Variants in RCAN2 observed in about 807,000 individuals in gnomAD.
RCAN2 encodes regulator of calcineurin 2, also known as calcipressin-2.
A neutral mutation model predicts 23.6 loss-of-function variants in RCAN2; 9 were observed. That is an observed-to-expected ratio of 0.38 (90% CI 0.23 to 0.67). The LOEUF is 0.67. Among genes scored for constraint, RCAN2 ranks in the 30% least tolerant of loss-of-function variants. RCAN2 has a pLI of 0.51. For missense variants in RCAN2, 273 were observed against 302.3 expected (o/e 0.90, Z 0.72); for synonymous variants, 109 against 115.7 (o/e 0.94, Z 0.37).
chr6:46,420,212 CA>C lies in RCAN2; in HGVS notation c.225+36539del, dbSNP rs1766839754. Among the ~76,000 whole-genome samples the C allele has an allele frequency of 2.0e-5, 3 of 150,606 alleles. No homozygotes were observed. In the South Asian group the frequency reaches 6.3e-4, roughly 31 times the overall value. Reference sequence around the variant, plus strand: ...AACCTGAAAGACTAGAGCATTTAAACAAATGTTTTAGTTATCATCGTATCAC... The same window carrying C: ...AACCTGAAAGACTAGAGCATTTAAACAATGTTTTAGTTATCATCGTATCAC... On this transcript the variant is annotated intron_variant, in intron 2 of 4. Transcript: ENST00000371374.
chr6:46,386,095 GGGA>G, intron 2 of RCAN2, among the ~76,000 whole-genome samples: 1 of 152,152 alleles, frequency 6.6e-6, no homozygotes, highest in Non-Finnish European at 1.5e-5. Context: ...CCTAGAGAAC[GGGA>G]GAACATTTTT....
rs1022399267 is a variant in RCAN2, at chr6:46,223,049, C to T, written c.*92G>A. On this transcript the variant is annotated 3_prime_UTR_variant, in exon 5 of 5. Transcript: ENST00000371374. The stretch of plus-strand genomic sequence containing the variant: ...GAAGGAATCTCAAACAACCAAACAC[C>T]CAGGAATTTAAAGGCAATTTTTTTT... 1.4e-5 allele frequency: 19 copies of T among 1,386,094 alleles called. No homozygotes were observed. Among genetic ancestry groups the T allele is most frequent in the African/African-American group, 8.6e-5 (6 of 69,372 alleles). The allele number at this position is 1,386,094 out of a possible 1,614,324, so 85.9% of individuals were successfully genotyped here.
chr6:46,362,721 T>C (rs1372522856), intron 2 of RCAN2, among the ~76,000 whole-genome samples: 1 of 152,206 alleles, frequency 6.6e-6, no homozygotes, highest in Non-Finnish European at 1.5e-5. Flanking sequence ...GATATTTTCT[T>C]AATGATCACA....
chr6:46,280,617 A>G (rs530776849), intron 2 of RCAN2, among the ~76,000 whole-genome samples: 4 of 152,208 alleles, frequency 2.6e-5, no homozygotes, highest in African/African-American at 9.6e-5. Flanking sequence ...ATAAAGCTGT[A>G]TTTTAAAGGG....
chr6:46,386,610 C>CAAA (rs142110760), intron 2 of RCAN2, among the ~76,000 whole-genome samples: 69 of 90,796 alleles, frequency 7.6e-4, no homozygotes, highest in South Asian at 1.7e-3. Context: ...CTCTGTCTCA[C>CAAA]AAAAAAAAAA....
At chr6:46,265,330 G>A (rs1767285487) in intron 2 of RCAN2, among the ~76,000 whole-genome samples, 2 of 152,150 alleles carry the variant, frequency 1.3e-5, no homozygotes, top group African/African-American at 4.8e-5. Flanking sequence ...CTTCAGGATT[G>A]TTGAATATAG....
intron 2 of RCAN2, among the ~76,000 whole-genome samples, chr6:46,267,419 G>A (rs975730977): frequency 2.6e-5 from 4 of 152,226 alleles, no homozygotes; most frequent in Non-Finnish European, 5.9e-5. Flanking sequence ...GGTGGTTCAC[G>A]CCTATAATCC....
chr6:46,438,359 G>A (rs1767431674), intron 2 of RCAN2: 1 of 152,324 alleles, frequency 6.6e-6, no homozygotes, highest in Non-Finnish European at 1.5e-5. Context: ...GCCACAAGGT[G>A]ACCAAGAGCA....
At chr6:46,429,415 G>A (rs1193206245) in intron 2 of RCAN2, among the ~76,000 whole-genome samples, 2 of 152,134 alleles carry the variant, frequency 1.3e-5, no homozygotes, top group Admixed American at 1.3e-4. Context: ...CTTTTACCTT[G>A]CACATTTGCT....
At chr6:46,266,085 T>A (rs1197683411) in intron 2 of RCAN2, among the ~76,000 whole-genome samples, 1 of 152,188 alleles carries the variant, frequency 6.6e-6, no homozygotes, top group Admixed American at 6.5e-5. Context: ...CACAAGTCTC[T>A]AGACCTACTA....
chr6:46,345,827 G>A (rs941079090), intron 2 of RCAN2, among the ~76,000 whole-genome samples: 3 of 152,042 alleles, frequency 2.0e-5, no homozygotes, highest in African/African-American at 7.2e-5. Context: ...ACAAATCAAT[G>A]TTACTTTTTT....
At chr6:46,298,659 T>C (rs1165190281) in intron 2 of RCAN2, among the ~76,000 whole-genome samples, 2 of 152,092 alleles carry the variant, frequency 1.3e-5, no homozygotes, top group African/African-American at 4.8e-5. Flanking sequence ...ATACTGTTAG[T>C]GGGAATGTAA....
intron 2 of RCAN2, among the ~76,000 whole-genome samples, chr6:46,348,020 C>A (rs1369288061): frequency 6.6e-6 from 1 of 152,072 alleles, no homozygotes; most frequent in African/African-American, 2.4e-5. Context: ...GAGTACAGGA[C>A]CTGAGCAGAA....
intron 1 of RCAN2, among the ~76,000 whole-genome samples, chr6:46,477,673 G>T (rs1582234558): frequency 6.6e-6 from 1 of 152,152 alleles, no homozygotes; most frequent in Admixed American, 6.5e-5. Context: ...ACTCAGAGTT[G>T]TAACAAAGTA....
At chr6:46,441,950 T>G (rs1405767545) in intron 2 of RCAN2, among the ~76,000 whole-genome samples, 1 of 152,196 alleles carries the variant, frequency 6.6e-6, no homozygotes, top group Non-Finnish European at 1.5e-5. Flanking sequence ...CCCATCTATA[T>G]CACACCGATC....
chr6:46,272,491 G>T (rs7766067), intron 2 of RCAN2, among the ~76,000 whole-genome samples: 119,394 of 152,136 alleles, frequency 0.78, 47,149 homozygotes, highest in Non-Finnish European at 0.83. Flanking sequence ...CTGTTAGGTG[G>T]TAGGTTTATA....
At chr6:46,415,900 A>G (rs1342276558) in intron 2 of RCAN2, among the ~76,000 whole-genome samples, 2 of 152,214 alleles carry the variant, frequency 1.3e-5, no homozygotes, top group Non-Finnish European at 2.9e-5. Flanking sequence ...GTGATATAAA[A>G]TGATGTAATA....
intron 2 of RCAN2, among the ~76,000 whole-genome samples, chr6:46,274,372 T>A (rs528441436): frequency 4.6e-5 from 7 of 152,160 alleles, no homozygotes; most frequent in Non-Finnish European, 8.8e-5. Context: ...GTTCAAAAGC[T>A]AAGGTACAGC....
chr6:46,368,338 G>T (rs1200077437), intron 2 of RCAN2, among the ~76,000 whole-genome samples: 1 of 152,106 alleles, frequency 6.6e-6, no homozygotes, highest in Non-Finnish European at 1.5e-5. Flanking sequence ...ATATGCCTGG[G>T]CAACTTGACT....
Sources: allele counts gnomAD v4.1 joint callset (sites outside exome capture counted in the v4.1 genomes callset), GRCh38; gene constraint gnomAD v4.1.1; transcripts MANE v1.5; gene names NCBI Gene and HGNC (gene_info 2026-07-23, HGNC 2026-07-21).